Variants in C8orf34 observed in about 807,000 individuals in gnomAD.
C8orf34 encodes chromosome 8 open reading frame 34, also known as uncharacterized protein C8orf34.
In C8orf34, 65 loss-of-function variants were observed where a neutral mutation model predicts 68.3. The ratio of observed to expected loss-of-function variants is 0.95; its 90% CI spans 0.78 to 1.17. The LOEUF is 1.17. C8orf34 is among the 50% of genes most tolerant of loss of function. The pLI, the probability that C8orf34 is intolerant of heterozygous loss-of-function variation, is 0.00. For synonymous variants in C8orf34, 244 were observed against 241.2 expected (o/e 1.01, Z -0.11); for missense variants, 664 against 655.4 (o/e 1.01, Z -0.14).
intron 7 of C8orf34, among the ~76,000 whole-genome samples, chr8:68,616,903 T>A (rs573901593): frequency 6.6e-6 from 1 of 152,270 alleles, no homozygotes; most frequent in African/African-American, 2.4e-5. Context: ...AAGTCTCCCA[T>A]TATTATTGTG....
chr8:68,580,065 A>T (rs1250777665), intron 7 of C8orf34, among the ~76,000 whole-genome samples: 1 of 152,164 alleles, frequency 6.6e-6, no homozygotes, highest in East Asian at 1.9e-4. Flanking sequence ...ATGCAAATTC[A>T]TAGTAAGGAC....
intron 1 of C8orf34, among the ~76,000 whole-genome samples, chr8:68,370,959 G>A (rs1169514080): frequency 2.0e-5 from 3 of 152,094 alleles, no homozygotes; most frequent in African/African-American, 7.2e-5. Flanking sequence ...GGAGCAAGCT[G>A]GTATCTGACT....
At chr8:68,352,164 T>TGA (rs1563369952) in intron 1 of C8orf34, among the ~76,000 whole-genome samples, 1 of 152,078 alleles carries the variant, frequency 6.6e-6, no homozygotes, top group Non-Finnish European at 1.5e-5. Context: ...TTCTCTTGAA[T>TGA]ATTCTACCAA....
In C8orf34 at chr8:68,338,401, G is replaced by A. The variant is rs1279128082; in HGVS notation, c.327+7062G>A. On this transcript the variant is annotated intron_variant, in intron 1 of 13. Transcript: ENST00000518698. The stretch of plus-strand genomic sequence containing the variant: ...AATTACCTTAAAATGCATTGTCTCA[G>A]TTGGAACAGGCTCCTCATATGCCCT... Among the ~76,000 whole-genome samples the A allele has an allele frequency of 2.6e-5, 4 of 152,084 alleles. No individual in the cohort carries two copies. The East Asian group carries it at 7.7e-4, about 29-fold the overall frequency.
chr8:68,696,180 A>AT (rs2130920868), intron 8 of C8orf34, among the ~76,000 whole-genome samples: 1 of 150,522 alleles, frequency 6.6e-6, no homozygotes, highest in South Asian at 2.1e-4. Context: ...AGAAAAAAAA[A>AT]GACACTAATA....
chr8:68,525,638 T>C lies in C8orf34; in HGVS notation c.938+3667T>C, dbSNP rs190416952. On this transcript the variant is annotated intron_variant, in intron 6 of 13. Coordinates refer to ENST00000518698, the MANE Select transcript of C8orf34 (RefSeq NM_052958.4). Reference sequence around the variant, plus strand: ...GAACTGGTCAGATGGGAGCAGATTATGCTGCCATTTTTCTAGATCTTTGAG... The same window carrying C: ...GAACTGGTCAGATGGGAGCAGATTACGCTGCCATTTTTCTAGATCTTTGAG... 2,412 of 729,502 alleles carry C rather than the reference T, an allele frequency of 3.3e-3. 11 individuals are homozygous for C. Among genetic ancestry groups the C allele is most frequent in the Non-Finnish European group, 4.8e-3 (1,935 of 401,824 alleles). The allele number at this position is 729,502 out of a possible 1,614,324, so 45.2% of individuals were successfully genotyped here.
rs146818645 is a variant in C8orf34, at chr8:68,738,505, T to G, written c.1404+17068T>G. Among the ~76,000 whole-genome samples, 1,377 of 151,680 alleles carry G rather than the reference T, an allele frequency of 9.1e-3. 10 individuals carry two copies. Among genetic ancestry groups the G allele is most frequent in the South Asian group, 0.035 (167 of 4,812 alleles). On this transcript the variant is annotated intron_variant, in intron 10 of 13. Transcript: ENST00000518698. ...TTCAAAAGATCAGTGAATTCAGGAG[T>G]TGGTTTTTTGAAAAAATTAATAAAT...
intron 10 of C8orf34, among the ~76,000 whole-genome samples, chr8:68,770,775 T>G (rs1329088142): frequency 6.6e-6 from 1 of 152,192 alleles, no homozygotes; most frequent in Non-Finnish European, 1.5e-5. Context: ...ACATTCTTAG[T>G]GTTAAATTTT....
At chr8:68,400,370 A>G (rs947432623) in intron 1 of C8orf34, among the ~76,000 whole-genome samples, 2 of 151,996 alleles carry the variant, frequency 1.3e-5, no homozygotes, top group Non-Finnish European at 2.9e-5. Flanking sequence ...ATCTAGTTTC[A>G]TTCTTCTGCA....
At chr8:68,733,536 A>G (rs2129526945) in intron 10 of C8orf34, among the ~76,000 whole-genome samples, 1 of 152,308 alleles carries the variant, frequency 6.6e-6, no homozygotes, top group South Asian at 2.1e-4. Context: ...TACATCATAC[A>G]ATAACTAGCT....
At chr8:68,781,226 G>T (rs958647603) in intron 11 of C8orf34, among the ~76,000 whole-genome samples, 3 of 152,132 alleles carry the variant, frequency 2.0e-5, no homozygotes, top group Non-Finnish European at 4.4e-5. Flanking sequence ...TCACTGATTG[G>T]TTGCATTTAG....
At position 68,456,774 on chromosome 8, in the gene C8orf34, T is replaced by C. The variant is rs573094331; in HGVS notation, c.607+10314T>C. 3.3e-5 allele frequency among the ~76,000 whole-genome samples: 5 copies of C among 152,330 alleles called. No individual in the cohort carries two copies. The East Asian group carries it at 9.6e-4, about 29-fold the overall frequency. ...TAACCAAAAAATAGCACTTATACAATGCAAGCTGGCATAGGGACAAAGATC... is the reference window on the plus strand; with the variant it reads ...TAACCAAAAAATAGCACTTATACAACGCAAGCTGGCATAGGGACAAAGATC... On this transcript the variant is annotated intron_variant, in intron 3 of 13. Coordinates refer to ENST00000518698, the MANE Select transcript of C8orf34 (RefSeq NM_052958.4).
chr8:68,407,986 G>C (rs1239618847), intron 1 of C8orf34, among the ~76,000 whole-genome samples: 1 of 152,106 alleles, frequency 6.6e-6, no homozygotes, highest in African/African-American at 2.4e-5. Flanking sequence ...GCCATGGACT[G>C]TTACAGGTCC....
chr8:68,688,791 G>A (rs773025580), intron 8 of C8orf34, among the ~76,000 whole-genome samples: 1 of 151,934 alleles, frequency 6.6e-6, no homozygotes, highest in Non-Finnish European at 1.5e-5. Context: ...CAACGAGAAC[G>A]TGGACATAGA....
At chr8:68,367,708 A>G (rs1329863602) in intron 1 of C8orf34, among the ~76,000 whole-genome samples, 10 of 140,680 alleles carry the variant, frequency 7.1e-5, no homozygotes, top group Non-Finnish European at 1.4e-4. Context: ...ATGAGATCAC[A>G]TGGACACAAG....
At chr8:68,554,037 C>T (rs978307808) in intron 7 of C8orf34, among the ~76,000 whole-genome samples, 15 of 151,904 alleles carry the variant, frequency 9.9e-5, no homozygotes, top group African/African-American at 3.6e-4. Context: ...GTGCTCTTTT[C>T]TCTGTGTGCC....
intron 10 of C8orf34, among the ~76,000 whole-genome samples, chr8:68,738,834 A>T (rs1337639786): frequency 6.6e-6 from 1 of 152,154 alleles, no homozygotes; most frequent in South Asian, 2.1e-4. Context: ...AGATGGATTC[A>T]CAGCTGAATT....
intron 12 of C8orf34, among the ~76,000 whole-genome samples, chr8:68,794,300 T>C (rs1171381132): frequency 6.6e-6 from 1 of 150,852 alleles, no homozygotes; most frequent in East Asian, 1.9e-4. Context: ...GCCTCCCAAG[T>C]AGCTGGGACT....
chr8:68,430,836 A>G (rs989310554), intron 1 of C8orf34, among the ~76,000 whole-genome samples: 11 of 152,238 alleles, frequency 7.2e-5, no homozygotes, highest in Middle Eastern at 3.4e-3. Context: ...GAAATATAAC[A>G]TTGAGAGAGA....
Sources: allele counts gnomAD v4.1 joint callset (sites outside exome capture counted in the v4.1 genomes callset), GRCh38; gene constraint gnomAD v4.1.1; transcripts MANE v1.5; gene names NCBI Gene and HGNC (gene_info 2026-07-23, HGNC 2026-07-21).